Variants in CELA2A observed in about 807,000 individuals in gnomAD.
CELA2A encodes the protein chymotrypsin like elastase 2A.
In CELA2A, 31 loss-of-function variants were observed where a neutral mutation model predicts 35.3. The ratio of observed to expected loss-of-function variants is 0.88; its 90% CI spans 0.66 to 1.19. The LOEUF is 1.19. Among genes scored for constraint, CELA2A ranks in the 50% most tolerant of loss-of-function variants. The pLI, the probability that CELA2A is intolerant of heterozygous loss-of-function variation, is 0.00. For synonymous variants in CELA2A, 150 were observed against 149.8 expected, an observed-to-expected ratio of 1.00 and a Z score of -0.01; for missense variants, 330 against 352.9, an observed-to-expected ratio of 0.94 and a Z score of 0.52.
chr1:15,467,506 CGG>C lies in CELA2A; in HGVS notation c.762_763del (p.Val255LeufsTer14). The C allele has an allele frequency of 6.2e-7, 1 of 1,614,180 alleles. No homozygotes were observed. Among genetic ancestry groups the C allele is most frequent in the South Asian group, 1.1e-5 (1 of 91,092 alleles). Reference sequence around the variant, plus strand: ...CTACCACAAGCCCTCCGTCTTCACGCGGGTCTCCAATTACATCGACTGGATCA... The same window carrying C: ...CTACCACAAGCCCTCCGTCTTCACGCGTCTCCAATTACATCGACTGGATCA... ...NYYHKPSVFT[R>X]VSNYIDWINS... On this transcript the variant is annotated frameshift_variant, in exon 7 of 8. Coordinates refer to ENST00000359621, the MANE Select transcript of CELA2A (RefSeq NM_033440.3). LOFTEE classifies it high-confidence loss of function.
chr1:15,462,140 G>A (rs772542872), intron 3 of CELA2A: 208 of 471,332 alleles, frequency 4.4e-4, no homozygotes, highest in East Asian at 6.9e-4. Context: ...GTTCTGCAAC[G>A]TTGTTCACTT....
At chr1:15,471,842 T>A (rs1708597968) in intron 7 of CELA2A, 148 bp from the exon 8 acceptor site, 3 of 889,950 alleles carry the variant, frequency 3.4e-6, no homozygotes, top group Non-Finnish European at 5.5e-6. Flanking sequence ...TTCCGAAACG[T>A]CATCAGAACT....
intron 7 of CELA2A, among the ~76,000 whole-genome samples, chr1:15,467,934 CA>C (rs916783644): frequency 6.6e-6 from 1 of 151,008 alleles, no homozygotes; most frequent in African/African-American, 2.4e-5. Flanking sequence ...TAAAAAAATC[CA>C]AAAAAAATTA....
intron 5 of CELA2A, among the ~76,000 whole-genome samples, chr1:15,464,709 A>G (rs534762535): frequency 2.0e-5 from 3 of 152,256 alleles, no homozygotes; most frequent in Non-Finnish European, 4.4e-5. Flanking sequence ...TTATTAAGAT[A>G]CAAGCACAAC....
At chr1:15,467,079 C>T (rs1708527623) in intron 6 of CELA2A, among the ~76,000 whole-genome samples, 1 of 152,198 alleles carries the variant, frequency 6.6e-6, no homozygotes, top group Non-Finnish European at 1.5e-5. Flanking sequence ...TGGGCAAGTC[C>T]CAACCTCTCA....
At chr1:15,465,901 A>T (rs1708509799) in intron 5 of CELA2A, 98 bp from the exon 6 acceptor site, 1 of 1,421,748 alleles carries the variant, frequency 7.0e-7, no homozygotes, top group East Asian at 2.3e-5. Flanking sequence ...GTTGCAATGG[A>T]TGGAAGACAG....
Position 15,457,136 on chromosome 1 carries a change from G to A in CELA2A, c.91G>A (p.Gly31Ser), listed in dbSNP as rs1270682735. The A allele has an allele frequency of 3.1e-6, 5 of 1,614,048 alleles. No homozygotes were observed. Among genetic ancestry groups the A allele is most frequent in the Non-Finnish European group, 4.2e-6 (5 of 1,180,042 alleles). ...CCCACCTTATGTGACTAGGGTGGTT[G>A]GCGGTGAAGAAGCGAGGCCCAACAG... ...TYPPYVTRVVGGEEARPNSWP... is the reference protein window; with the variant it reads ...TYPPYVTRVVSGEEARPNSWP... The change falls in exon 2 of 8, where the codon GGC becomes AGC. Residue 31 changes from glycine (G) to serine (S), a missense_variant. Coordinates refer to ENST00000359621, the MANE Select transcript of CELA2A (RefSeq NM_033440.3).
intron 7 of CELA2A, among the ~76,000 whole-genome samples, chr1:15,467,991 C>A (rs1352602020): frequency 6.6e-6 from 1 of 150,476 alleles, no homozygotes; most frequent in Non-Finnish European, 1.5e-5. Flanking sequence ...ACTCAGGAGA[C>A]TGAGGCAGGA....
In CELA2A at chr1:15,462,779, G is replaced by A. The variant is rs141105892; in HGVS notation, c.274G>A (p.Val92Ile). The A allele has an allele frequency of 2.2e-4, 360 of 1,614,114 alleles. No individual in the cohort carries two copies. Among genetic ancestry groups the A allele is most frequent in the Non-Finnish European group, 2.7e-4 (317 of 1,180,022 alleles). The change falls in exon 4 of 8, where the codon GTT becomes ATT. Residue 92 changes from valine (V) to isoleucine (I), a missense_variant. Val to Ile is a conservative substitution (Grantham distance 29, BLOSUM62 3). Transcript: ENST00000359621. ...RVGLGRHNLYVAESGSLAVSV... is the reference protein window; with the variant it reads ...RVGLGRHNLYIAESGSLAVSV... ...GGGGCTGGGCCGGCACAACCTCTACGTTGCGGAGTCCGGCTCGCTGGCAGT... is the reference window on the plus strand; with the variant it reads ...GGGGCTGGGCCGGCACAACCTCTACATTGCGGAGTCCGGCTCGCTGGCAGT...
rs765741433 is a variant in CELA2A at position 15,461,590 on chromosome 1, G to A, written c.159G>A (p.Lys53=). The A allele has an allele frequency of 1.2e-6, 2 of 1,612,474 alleles. No individual in the cohort carries two copies. The highest frequency in any genetic ancestry group is 2.2e-5 in the East Asian group (1 of 44,884). ...CCCTGCAGTACAGCTCCAATGGCAA[G>A]TGGTACCACACCTGCGGAGGGTCCC... The part of the protein sequence containing the change: ...QVSLQYSSNG[K]WYHTCGGSLI... Residue 53 remains lysine, a synonymous_variant, in exon 3 of 8, where the codon AAG becomes AAA. Coordinates refer to ENST00000359621, the MANE Select transcript of CELA2A (RefSeq NM_033440.3).
intron 6 of CELA2A, among the ~76,000 whole-genome samples, chr1:15,466,699 A>C (rs1021530357): frequency 2.1e-4 from 32 of 152,126 alleles, no homozygotes. Context: ...GACTGTCACT[A>C]TGTATCCTTT....
Position 15,463,497 on chromosome 1 carries a change from C to A in CELA2A, c.468C>A (p.Tyr156Ter), listed in dbSNP as rs576453967. 6.2e-7 allele frequency: 1 copy of A among 1,613,950 alleles called. No homozygotes were observed. Among genetic ancestry groups the A allele is most frequent in the African/African-American group, 1.3e-5 (1 of 75,038 alleles). Residue 156 changes from tyrosine (Y) to a stop codon, truncating the protein, a stop_gained, in exon 5 of 8, where the codon TAC (tyrosine) becomes TAA (stop). Coordinates refer to ENST00000359621, the MANE Select transcript of CELA2A (RefSeq NM_033440.3). LOFTEE classifies it high-confidence loss of function. ...TTCTACCCAACAACTACCCCTGCTA[C>A]GTCACGGGCTGGGGAAGGCTGCAGA... ...GTILPNNYPCYVTGWGRLQTN... is the reference protein window; with the variant it reads ...GTILPNNYPC
rs749385312 is a variant in CELA2A, at chr1:15,472,011, A to C, written c.*4A>C. ...GCAGGTGATTGCAAATAACTAACCA[A>C]AAGAAGTCCCTGGGACTGTTTCAGA... On this transcript the variant is annotated 3_prime_UTR_variant, in exon 8 of 8. Transcript: ENST00000359621. 6.2e-7 allele frequency: 1 copy of C among 1,614,094 alleles called. No individual in the cohort carries two copies. The highest frequency in any genetic ancestry group is 1.1e-5 in the South Asian group (1 of 91,086).
chr1:15,466,676 C>T (rs1708522077), intron 6 of CELA2A, among the ~76,000 whole-genome samples: 1 of 152,156 alleles, frequency 6.6e-6, no homozygotes, highest in African/African-American at 2.4e-5. Flanking sequence ...TGGGTCTCAT[C>T]AAGGTCTCTC....
chr1:15,458,854 G>T (rs1269982285), intron 2 of CELA2A, among the ~76,000 whole-genome samples: 1 of 127,028 alleles, frequency 7.9e-6, no homozygotes, highest in African/African-American at 2.9e-5. Context: ...CGCAGGTTGC[G>T]GTGAGCCAAG....
chr1:15,456,892 T>C (rs1708368231), intron 1 of CELA2A, 99 bp downstream of exon 1: 1 of 1,473,894 alleles, frequency 6.8e-7, no homozygotes, highest in Non-Finnish European at 9.4e-7. Flanking sequence ...CAACCCCTAC[T>C]GCATTCAGAC....
chr1:15,461,834 G>C lies in CELA2A; in HGVS notation c.227+176G>C, dbSNP rs1486181653. The C allele has an allele frequency of 5.1e-6, 4 of 779,102 alleles. No individual in the cohort carries two copies. In the Admixed American group the frequency reaches 8.0e-5, roughly 16 times the overall value. The allele number at this position is 779,102 out of a possible 1,614,324, so 48.3% of individuals were successfully genotyped here. A position where few individuals can be genotyped will look rare whatever the true frequency, so the allele number is the denominator to read the frequency against. The stretch of plus-strand genomic sequence containing the variant: ...TCAGTGTGTTGGCCCATCAATGTCA[G>C]TACATGGCATGGATGGAGTGTCTGT... On this transcript the variant is annotated intron_variant, in intron 3 of 7. Coordinates refer to ENST00000359621, the MANE Select transcript of CELA2A (RefSeq NM_033440.3).
At chr1:15,459,572 T>C (rs1462751107) in intron 2 of CELA2A, among the ~76,000 whole-genome samples, 1 of 152,224 alleles carries the variant, frequency 6.6e-6, no homozygotes, top group East Asian at 1.9e-4. Flanking sequence ...ACAGTCCCTC[T>C]GCTACAGGGC....
At chr1:15,465,184 G>C (rs1570799560) in intron 5 of CELA2A, among the ~76,000 whole-genome samples, 1 of 151,636 alleles carries the variant, frequency 6.6e-6, no homozygotes, top group African/African-American at 2.4e-5. Context: ...GGTAATTTTT[G>C]TATTTTAGTA....
Sources: allele counts gnomAD v4.1 joint callset (sites outside exome capture counted in the v4.1 genomes callset), GRCh38; gene constraint gnomAD v4.1.1; transcripts MANE v1.5; gene names NCBI Gene and HGNC (gene_info 2026-07-23, HGNC 2026-07-21).